Variants in PDIA4 observed in about 807,000 individuals in gnomAD.
PDIA4 encodes the protein protein disulfide-isomerase A4.
In PDIA4, 33 loss-of-function variants were observed where a neutral mutation model predicts 62.1. The observed-to-expected ratio is 0.53, with a 90% CI of 0.40 to 0.71. The LOEUF is 0.71. PDIA4 is among the 30% of genes least tolerant of loss of function. The probability of loss-of-function intolerance (pLI) is 0.00; values close to 1 mark genes in which losing one functional copy is unlikely to be tolerated. For missense variants in PDIA4, 804 were observed against 813.6 expected, an observed-to-expected ratio of 0.99 and a Z score of 0.14; for synonymous variants, 341 against 324.1, an observed-to-expected ratio of 1.05 and a Z score of -0.56.
intron 6 of PDIA4, 100 bp from the exon 7 acceptor site, chr7:149,008,410 AC>A: frequency 7.7e-7 from 1 of 1,294,262 alleles, no homozygotes. Context: ...TCTGAAAATG[AC>A]CACTGTAGGC....
chr7:149,021,175 C>T, intron 1 of PDIA4, 28 bp from the exon 2 acceptor site: 1 of 1,551,598 alleles, frequency 6.4e-7, no homozygotes, highest in Middle Eastern at 1.7e-4. Flanking sequence ...AGACTGGTTA[C>T]AAAGCTGGTG....
rs1382355689 is a variant in PDIA4 at position 149,028,436 on chromosome 7, A to G, written c.-28T>C. ...TAGCGGGGGCGGAGCGCGGCCTCCT[A>G]GCGTCGGCGGCCGCTGAGCGCACCG... On this transcript the variant is annotated 5_prime_UTR_variant, in exon 1 of 10. Coordinates refer to ENST00000652332, the MANE Select transcript of PDIA4 (RefSeq NM_004911.5). 4 of 1,428,314 alleles carry G rather than the reference A, an allele frequency of 2.8e-6. No individual in the cohort carries two copies. In the East Asian group the frequency reaches 8.9e-5, roughly 32 times the overall value. The allele number at this position is 1,428,314 out of a possible 1,614,324, so 88.5% of individuals were successfully genotyped here. A position where few individuals can be genotyped will look rare whatever the true frequency, so the allele number is the denominator to read the frequency against.
intron 3 of PDIA4, 45 bp from the exon 4 acceptor site, chr7:149,015,087 C>T: frequency 6.2e-7 from 1 of 1,606,090 alleles, no homozygotes; most frequent in South Asian, 1.1e-5. Context: ...CCCAAACTGG[C>T]AGGCACTTCA....
intron 1 of PDIA4, among the ~76,000 whole-genome samples, chr7:149,021,828 A>G (rs886633410): frequency 2.0e-5 from 3 of 151,838 alleles, no homozygotes; most frequent in Non-Finnish European, 2.9e-5. Context: ...CCTCCTCCCT[A>G]CTTCCTTGTA....
In PDIA4 at chr7:149,003,964, C is replaced by A. The variant is rs770845761; in HGVS notation, c.1768G>T (p.Val590Phe). The A allele has an allele frequency of 1.2e-6, 2 of 1,612,980 alleles. No homozygotes were observed. The highest frequency in any genetic ancestry group is 2.7e-5 in the African/African-American group (2 of 74,906). Residue 590 changes from valine to phenylalanine, a missense_variant, in exon 10 of 10, where the codon GTC (valine) becomes TTC (phenylalanine). Transcript: ENST00000652332. ...TCCACCTTATAGCGGTCGCTGGGGA[C>A]GTCGTTGGCAGTGGCGTCCATCTTG... is the stretch of plus-strand genomic sequence containing the variant. The part of the protein sequence containing the change: ...IAKMDATAND[V>F]PSDRYKVEGF...
At chr7:149,014,806 G>C in intron 4 of PDIA4, 98 bp downstream of exon 4, 1 of 1,149,816 alleles carries the variant, frequency 8.7e-7, no homozygotes, top group Non-Finnish European at 1.3e-6. Flanking sequence ...TGCCCACCTT[G>C]CTCCTCTGCT....
Position 149,011,880 on chromosome 7 carries a change from C to G in PDIA4, c.945G>C (p.Glu315Asp). 1 of 1,594,216 alleles carries G rather than the reference C, an allele frequency of 6.3e-7. No homozygotes were observed. Among genetic ancestry groups the G allele is most frequent in the South Asian group, 1.1e-5 (1 of 87,722 alleles). ...GGTATTGCTGGTAGGCTGGGTCACT[C>G]TCCCCCTTAAAGACCCCGATGATGA... ...DVIIIGVFKG[E>D]SDPAYQQYQD... Residue 315 changes from glutamate (E) to aspartate (D), a missense_variant, in exon 6 of 10, where the codon GAG (glutamate) becomes GAC (aspartate). Transcript: ENST00000652332.
At chr7:149,024,689 A>G (rs112684174) in intron 1 of PDIA4, among the ~76,000 whole-genome samples, 35,287 of 150,914 alleles carry the variant, frequency 0.23, 4,955 homozygotes, top group African/African-American at 0.39. Flanking sequence ...GGTGGCACAC[A>G]CCTGTAATCC....
intron 1 of PDIA4, among the ~76,000 whole-genome samples, chr7:149,026,709 G>A (rs1824571196): frequency 6.6e-6 from 1 of 151,618 alleles, no homozygotes; most frequent in Admixed American, 6.6e-5. Flanking sequence ...TGAGGCAGGA[G>A]GATCCCATGA....
intron 9 of PDIA4, 104 bp downstream of exon 9, chr7:149,005,037 G>A: frequency 1.2e-6 from 1 of 820,144 alleles, no homozygotes; most frequent in Non-Finnish European, 2.1e-6. Flanking sequence ...ACTTAAGGGG[G>A]TGTCGTGCCC....
chr7:149,022,080 A>T (rs553234752), intron 1 of PDIA4, among the ~76,000 whole-genome samples: 23 of 152,316 alleles, frequency 1.5e-4, no homozygotes, highest in Non-Finnish European at 3.1e-4. Flanking sequence ...CCAACAGGAA[A>T]CAAGTACTCA....
chr7:149,020,068 C>A (rs2066401911), intron 2 of PDIA4, among the ~76,000 whole-genome samples: 1 of 152,170 alleles, frequency 6.6e-6, no homozygotes, highest in South Asian at 2.1e-4. Flanking sequence ...TGAAGCAATT[C>A]TCCTGCCTCA....
intron 7 of PDIA4, among the ~76,000 whole-genome samples, chr7:149,007,554 C>A (rs957101656): frequency 6.6e-6 from 1 of 152,236 alleles, no homozygotes; most frequent in African/African-American, 2.4e-5. Context: ...AAGTGCAGGG[C>A]CCCTTCTAAA....
rs1399024719 is a variant in PDIA4 at position 149,028,419 on chromosome 7, G to C, written c.-11C>G. The C allele has an allele frequency of 6.7e-7, 1 of 1,484,284 alleles. No homozygotes were observed. The highest frequency in any genetic ancestry group is 9.0e-7 in the Non-Finnish European group (1 of 1,116,368). The allele number at this position is 1,484,284 out of a possible 1,614,324, so 91.9% of individuals were successfully genotyped here. The stretch of plus-strand genomic sequence containing the variant: ...TTTCCGGGGCCTCATGGTAGCGGGG[G>C]CGGAGCGCGGCCTCCTAGCGTCGGC... On this transcript the variant is annotated 5_prime_UTR_variant, in exon 1 of 10. Transcript: ENST00000652332.
At chr7:149,018,310 C>G (rs1306262847) in intron 3 of PDIA4, among the ~76,000 whole-genome samples, 1 of 152,212 alleles carries the variant, frequency 6.6e-6, no homozygotes, top group East Asian at 1.9e-4. Context: ...ATCAGAAACT[C>G]TGGCGCTGGG....
chr7:149,004,125 T>A lies in PDIA4; in HGVS notation c.1607A>T (p.Asp536Val), dbSNP rs1823655585. 1 of 1,613,604 alleles carries A rather than the reference T, an allele frequency of 6.2e-7. No homozygotes were observed. The highest frequency in any genetic ancestry group is 1.1e-5 in the South Asian group (1 of 91,078). Residue 536 changes from aspartate to valine, a missense_variant, in exon 10 of 10, where the codon GAC becomes GTC. Coordinates refer to ENST00000652332, the MANE Select transcript of PDIA4 (RefSeq NM_004911.5). ...CTTCTTGGGGTCCATCACAATGGAG[T>A]CAAAGGTCTTTCCCACCACGACCTT... ...PVKVVVGKTF[D>V]SIVMDPKKDV... is the part of the protein sequence containing the mutation.
chr7:149,019,819 T>A (rs888530022), intron 2 of PDIA4, among the ~76,000 whole-genome samples: 6 of 152,126 alleles, frequency 3.9e-5, no homozygotes, highest in African/African-American at 7.2e-5. Flanking sequence ...TCAAAAAAAT[T>A]TTTTTTTAAT....
At chr7:149,011,796 G>A in intron 6 of PDIA4, 50 bp downstream of exon 6, 1 of 1,460,214 alleles carries the variant, frequency 6.8e-7, no homozygotes, top group Non-Finnish European at 9.2e-7. Flanking sequence ...GGCAACCGCA[G>A]ACGGCCCAAG....
intron 4 of PDIA4, among the ~76,000 whole-genome samples, chr7:149,014,600 G>A (rs1031582278): frequency 6.6e-6 from 1 of 152,060 alleles, no homozygotes; most frequent in African/African-American, 2.4e-5. Flanking sequence ...TCCCCAAGCT[G>A]GGCAGCTCAG....
Sources: gnomAD v4.1 joint callset for allele counts (sites outside exome capture counted in the v4.1 genomes callset) on GRCh38, gnomAD v4.1.1 for gene constraint, MANE v1.5 for transcripts, NCBI Gene and HGNC (gene_info 2026-07-23, HGNC 2026-07-21) for gene names.